The following TRIM43B variants were observed in gnomAD, a reference collection of about 807,000 sequenced individuals.
The protein encoded by TRIM43B is tripartite motif-containing protein 43B.
In TRIM43B, 15 loss-of-function variants were observed where a neutral mutation model predicts 27.0. The ratio of observed to expected loss-of-function variants is 0.55; its 90% CI spans 0.37 to 0.85. TRIM43B has a LOEUF of 0.85. TRIM43B is among the 40% of genes least tolerant of loss of function. The probability of loss-of-function intolerance (pLI) is 0.00; values close to 1 mark genes in which losing one functional copy is unlikely to be tolerated. For missense variants in TRIM43B, 172 were observed against 289.8 expected (o/e 0.59, Z 2.95); for synonymous variants, 69 against 97.8 (o/e 0.71, Z 1.74).
exon 2 of TRIM43B, chr2:95,482,308 T>C (rs778188224): frequency 5.0e-6 from 8 of 1,611,672 alleles, no homozygotes; most frequent in Non-Finnish European, 6.8e-6. Flanking sequence ...TCTTACCCGG[T>C]CTTCCTCAGC....
At position 95,482,801 on chromosome 2, in the gene TRIM43B, G is replaced by A. The variant is rs185650681; in HGVS notation, c.-4-83C>T. On this transcript the variant is annotated intron_variant, in intron 1 of 6. Coordinates refer to ENST00000639673, the Ensembl canonical transcript of TRIM43B. The stretch of plus-strand genomic sequence containing the variant: ...GCAAAGTTTGAATCAGATCGTGATC[G>A]AATAATATCCTTTCTTTCTAAAGAA... The A allele has an allele frequency of 1.2e-5, 19 of 1,531,432 alleles. No homozygotes were observed. In the Admixed American group the frequency reaches 1.8e-4, roughly 14 times the overall value. The allele number at this position is 1,531,432 out of a possible 1,614,324, so 94.9% of individuals were successfully genotyped here.
intron 1 of TRIM43B, among the ~76,000 whole-genome samples, chr2:95,483,585 G>A (rs1224245740): frequency 2.6e-5 from 4 of 151,250 alleles, no homozygotes; most frequent in Non-Finnish European, 5.9e-5. Context: ...TTGGGAGGCC[G>A]AGGTGGCTGA....
chr2:95,482,865 T>G, intron 1 of TRIM43B, 147 bp from the exon 2 acceptor site: 1 of 1,464,966 alleles, frequency 6.8e-7, no homozygotes, highest in Non-Finnish European at 9.0e-7. Context: ...ATAGGAAAAA[T>G]AGAAAACTAA....
At chr2:95,480,876 C>T (rs1573603574) in intron 3 of TRIM43B, among the ~76,000 whole-genome samples, 1 of 151,918 alleles carries the variant, frequency 6.6e-6, no homozygotes, top group East Asian at 1.9e-4. Flanking sequence ...TGAACAATCA[C>T]TCTTAGTAGA....
chr2:95,482,610 A>G, exon 2 of TRIM43B: 5 of 1,613,668 alleles, frequency 3.1e-6, no homozygotes, highest in Non-Finnish European at 4.2e-6. Context: ...GACAGGGCCT[A>G]CAGAAGCTGT....
intron 3 of TRIM43B, among the ~76,000 whole-genome samples, 178 bp from the exon 4 acceptor site, chr2:95,480,713 A>G (rs1020105554): frequency 2.6e-5 from 4 of 152,138 alleles, no homozygotes; most frequent in African/African-American, 9.6e-5. Flanking sequence ...ACACCTGCAA[A>G]AAAGCCCTTT....
rs755640959 is a variant in TRIM43B, at chr2:95,482,351, C to T, written c.364G>A (p.Gly122Arg). 3.3e-5 allele frequency: 53 copies of T among 1,611,006 alleles called. 2 individuals are homozygous for T. The highest frequency in any genetic ancestry group is 4.0e-5 in the Non-Finnish European group (47 of 1,179,656). The change falls in exon 2 of 7, where the codon GGG (glycine) becomes AGG (arginine). Residue 122 changes from glycine (G) to arginine (R), a missense_variant. Transcript: ENST00000639673. Reference sequence around the variant, plus strand: ...TCGATGGGATAGTGTTTGTGAGCCCCGTGCTCCTGAGAGTTGGAGCACAGC... The same window carrying T: ...TCGATGGGATAGTGTTTGTGAGCCCTGTGCTCCTGAGAGTTGGAGCACAGC...
chr2:95,480,583 C>G (rs1683504531), intron 3 of TRIM43B, 48 bp from the exon 4 acceptor site: 1 of 1,599,462 alleles, frequency 6.3e-7, no homozygotes, highest in Non-Finnish European at 8.5e-7. Context: ...CCTACTTCCA[C>G]CTCACAGAGC....
At position 95,480,573 on chromosome 2, in the gene TRIM43B, C is replaced by T. The variant is rs1683504110; in HGVS notation, c.508-38G>A. 2.5e-6 allele frequency: 4 copies of T among 1,601,822 alleles called. No individual in the cohort carries two copies. The East Asian group carries it at 9.2e-5, about 37-fold the overall frequency. ...GAATTTTGTAGGTTATATACCCAGG[C>T]CTACTTCCACCTCACAGAGCCCACA... On this transcript the variant is annotated intron_variant, in intron 3 of 6. Coordinates refer to ENST00000639673, the Ensembl canonical transcript of TRIM43B.
In TRIM43B at chr2:95,483,730, G is replaced by A. The variant is rs1218964188; in HGVS notation, c.-5+876C>T. Among the ~76,000 whole-genome samples the A allele has an allele frequency of 1.7e-3, 254 of 151,570 alleles. 2 individuals carry two copies. Among genetic ancestry groups the A allele is most frequent in the East Asian group, 2.7e-3 (14 of 5,100 alleles). On this transcript the variant is annotated intron_variant, in intron 1 of 6. Transcript: ENST00000639673. ...GTAGTCCCAGCTACTCTGGAGGCGG[G>A]GCCTGGAGAATGGCGTGAACCCGGG...
At chr2:95,481,686 T>C in exon 3 of TRIM43B, 1 of 1,611,406 alleles carries the variant, frequency 6.2e-7, no homozygotes, top group Non-Finnish European at 8.5e-7. Flanking sequence ...CTTTAAGAGT[T>C]TCTCCTGCAA....
chr2:95,482,324 C>T (rs759648985), exon 2 of TRIM43B: 2 of 1,611,614 alleles, frequency 1.2e-6, no homozygotes, highest in Non-Finnish European at 1.7e-6. Flanking sequence ...TCAGCTGCCT[C>T]TTCGATGGGA....
intron 2 of TRIM43B, 124 bp downstream of exon 2, chr2:95,482,180 G>A: frequency 4.8e-6 from 4 of 833,914 alleles, no homozygotes; most frequent in Non-Finnish European, 7.4e-6. Context: ...GTCATCATTG[G>A]TACCTAGAAC....
chr2:95,483,457 A>T (rs1289270533), intron 1 of TRIM43B, among the ~76,000 whole-genome samples: 1 of 152,140 alleles, frequency 6.6e-6, no homozygotes, highest in Admixed American at 6.6e-5. Flanking sequence ...TTACAAAAAG[A>T]TAATGATAAT....
chr2:95,484,169 G>T (rs1683596201), intron 1 of TRIM43B, among the ~76,000 whole-genome samples: 1 of 151,120 alleles, frequency 6.6e-6, no homozygotes, highest in South Asian at 2.1e-4. Context: ...AAGAGATGGA[G>T]ACCATCCTGG....
At chr2:95,482,358 C>T (rs1683545632) in exon 2 of TRIM43B, 1 of 1,610,826 alleles carries the variant, frequency 6.2e-7, no homozygotes, top group Non-Finnish European at 8.5e-7. Context: ...CCCCGTGCTC[C>T]TGAGAGTTGG....
At chr2:95,481,732 A>C (rs776801031) in intron 2 of TRIM43B, 42 bp from the exon 3 acceptor site, 15 of 1,592,456 alleles carry the variant, frequency 9.4e-6, no homozygotes, top group Non-Finnish European at 1.2e-5. Flanking sequence ...CAAATACCAA[A>C]GATTCCACCA....
chr2:95,480,965 C>T (rs1683511580), intron 3 of TRIM43B, among the ~76,000 whole-genome samples: 1 of 152,106 alleles, frequency 6.6e-6, no homozygotes, highest in African/African-American at 2.4e-5. Flanking sequence ...ACCCCCATCT[C>T]TCAAACCGAC....
At chr2:95,482,761 G>A (rs1173026501) in intron 1 of TRIM43B, 43 bp from the exon 2 acceptor site, 1 of 1,546,254 alleles carries the variant, frequency 6.5e-7, no homozygotes, top group Admixed American at 2.1e-5. Context: ...CTACCCTGGA[G>A]AGACAAAGAT....
Sources: allele counts gnomAD v4.1 joint callset (sites outside exome capture counted in the v4.1 genomes callset), GRCh38; gene constraint gnomAD v4.1.1; transcripts MANE v1.5; gene names NCBI Gene and HGNC (gene_info 2026-07-23, HGNC 2026-07-21).